The following ENPP3 variants were observed in gnomAD, a reference collection of about 807,000 sequenced individuals.
ENPP3 encodes the protein ectonucleotide pyrophosphatase/phosphodiesterase 3, also known as ectonucleotide pyrophosphatase/phosphodiesterase family member 3.
In ENPP3, 104 loss-of-function variants were observed where a neutral mutation model predicts 117.8. The observed-to-expected ratio is 0.88, with a 90% CI of 0.75 to 1.04. The LOEUF (loss-of-function observed/expected upper bound fraction) is 1.04, where lower values mean the gene tolerates loss of function less well. ENPP3 is among the 50% of genes least tolerant of loss of function. The pLI is 0.00. For synonymous variants in ENPP3, 380 were observed against 349.9 expected (o/e 1.09, Z -0.96); for missense variants, 1,026 against 1,051.9 (o/e 0.98, Z 0.34).
intron 20 of ENPP3, among the ~76,000 whole-genome samples, chr6:131,728,322 T>C (rs904578738): frequency 6.6e-6 from 1 of 152,320 alleles, no homozygotes; most frequent in African/African-American, 2.4e-5. Flanking sequence ...TTTTTAGTAC[T>C]TTTCCCCTGC....
chr6:131,685,389 G>A lies in ENPP3; in HGVS notation c.1146G>A (p.Lys382=). The A allele has an allele frequency of 6.2e-7, 1 of 1,612,076 alleles. No homozygotes were observed. Among genetic ancestry groups the A allele is most frequent in the South Asian group, 1.1e-5 (1 of 90,974 alleles). The change falls in exon 13 of 25, where the codon AAG becomes AAA. Residue 382 remains lysine, a synonymous_variant. Transcript: ENST00000357639. ...GAATGGACCAGACTTATTGTAACAAGATGGAATACATGACTGATTATTTTC... is the reference window on the plus strand; with the variant it reads ...GAATGGACCAGACTTATTGTAACAAAATGGAATACATGACTGATTATTTTC... ...DHGMDQTYCN[K]MEYMTDYFPR...
Position 131,667,354 on chromosome 6 carries a change from C to T in ENPP3, c.563-3894C>T, listed in dbSNP as rs116275971. ...TTGGGGCATTGGACACTTAGTGCAA[C>T]TCTTCCTCCCCTGGGAGAAGCTGGG... On this transcript the variant is annotated intron_variant, in intron 6 of 24. Coordinates refer to ENST00000357639, the MANE Select transcript of ENPP3 (RefSeq NM_005021.5). 9.8e-3 allele frequency among the ~76,000 whole-genome samples: 1,490 copies of T among 152,228 alleles called. 19 individuals are homozygous for T. The highest frequency in any genetic ancestry group is 0.034 in the African/African-American group (1,428 of 41,522).
At chr6:131,727,512 G>A (rs574172144) in intron 20 of ENPP3, among the ~76,000 whole-genome samples, 35 of 127,260 alleles carry the variant, frequency 2.8e-4, no homozygotes, top group African/African-American at 7.3e-4. Flanking sequence ...CCAAGATCGC[G>A]CCATTACACT....
rs766334919 is a variant in ENPP3 at position 131,675,124 on chromosome 6, C to A, written c.807C>A (p.Tyr269Ter). 5 of 1,613,912 alleles carry A rather than the reference C, an allele frequency of 3.1e-6. No homozygotes were observed. In the Admixed American group the frequency reaches 8.3e-5, roughly 27 times the overall value. The change falls in exon 9 of 25, where the codon TAC (tyrosine) becomes TAA (stop). Residue 269 changes from tyrosine to a stop codon, truncating the protein, a stop_gained. Coordinates refer to ENST00000357639, the MANE Select transcript of ENPP3 (RefSeq NM_005021.5). LOFTEE classifies it high-confidence loss of function. Reference sequence around the variant, plus strand: ...ATCAAGGTTTAAAAGCCGCTACCTACTTTTGGCCCGGATCAGAAGTGGCTA... The same window carrying A: ...ATCAAGGTTTAAAAGCCGCTACCTAATTTTGGCCCGGATCAGAAGTGGCTA... ...AMYQGLKAAT[Y>*]FWPGSEVAIN...
chr6:131,678,700 G>C (rs1778925262), intron 11 of ENPP3, among the ~76,000 whole-genome samples: 1 of 152,148 alleles, frequency 6.6e-6, no homozygotes, highest in Non-Finnish European at 1.5e-5. Context: ...TCTCAGAAAA[G>C]CTTTTTTTAA....
At chr6:131,678,738 C>T (rs956747408) in intron 11 of ENPP3, among the ~76,000 whole-genome samples, 1 of 152,160 alleles carries the variant, frequency 6.6e-6, no homozygotes, top group Admixed American at 6.5e-5. Context: ...CAAAATGATT[C>T]CTAGTATAGG....
At chr6:131,733,883 G>A (rs193027877) in intron 21 of ENPP3, among the ~76,000 whole-genome samples, 160 bp downstream of exon 21, 1 of 152,146 alleles carries the variant, frequency 6.6e-6, no homozygotes, top group Non-Finnish European at 1.5e-5. Context: ...GCAGCACAGC[G>A]GCTGTAATAA....
At chr6:131,685,824 A>G (rs1779141912) in intron 13 of ENPP3, 52 bp from the exon 14 acceptor site, 10 of 751,714 alleles carry the variant, frequency 1.3e-5, no homozygotes, top group South Asian at 6.0e-5. Flanking sequence ...CATTCTTTGC[A>G]TTTGTTCGTT....
intron 11 of ENPP3, among the ~76,000 whole-genome samples, chr6:131,679,028 T>TCCTC (rs1359674227): frequency 1.2e-5 from 1 of 84,684 alleles, no homozygotes; most frequent in Non-Finnish European, 2.3e-5. Flanking sequence ...CTTCCTTCCT[T>TCCTC]CTTTCTTTCT....
chr6:131,715,562 C>T (rs1183512266), intron 15 of ENPP3, among the ~76,000 whole-genome samples: 2 of 147,416 alleles, frequency 1.4e-5, no homozygotes, highest in African/African-American at 2.6e-5. Flanking sequence ...AGCATCTGCT[C>T]ACCTGGAGCA....
intron 12 of ENPP3, 118 bp from the exon 13 acceptor site, chr6:131,685,246 C>T (rs1416539111): frequency 3.3e-6 from 3 of 914,024 alleles, no homozygotes; most frequent in Non-Finnish European, 3.3e-6. Flanking sequence ...TGCGTAAATT[C>T]TCAGTGAAGC....
chr6:131,678,993 C>G lies in ENPP3; in HGVS notation c.1011+1053C>G, dbSNP rs866393505. Among the ~76,000 whole-genome samples the G allele has an allele frequency of 4.4e-3, 428 of 97,860 alleles. 16 individuals carry two copies. The highest frequency in any genetic ancestry group is 0.019 in the African/African-American group (328 of 17,510). 64.2% of individuals were successfully genotyped at this position (97,860 alleles called of 152,430 possible). A position where few individuals can be genotyped will look rare whatever the true frequency, so the allele number is the denominator to read the frequency against. On this transcript the variant is annotated intron_variant, in intron 11 of 24. Coordinates refer to ENST00000357639, the MANE Select transcript of ENPP3 (RefSeq NM_005021.5). ...TCCTTCCTTCCTTCCTTCCTTCCTT[C>G]CTTCCTTGCTTCCTTCCTTCCTTCC...
At position 131,685,298 on chromosome 6, in the gene ENPP3, A is replaced by G. The variant is rs1291570997; in HGVS notation, c.1121-66A>G. 3 of 1,351,438 alleles carry G rather than the reference A, an allele frequency of 2.2e-6. No homozygotes were observed. In the East Asian group the frequency reaches 6.9e-5, roughly 31 times the overall value. 83.7% of individuals were successfully genotyped at this position (1,351,438 alleles called of 1,614,324 possible). A position where few individuals can be genotyped will look rare whatever the true frequency, so the allele number is the denominator to read the frequency against. ...AACATAAAATGTCTTCTATTTGACAAGACAGAAATCAACCGTTGCCATTTA... is the reference window on the plus strand; with the variant it reads ...AACATAAAATGTCTTCTATTTGACAGGACAGAAATCAACCGTTGCCATTTA... On this transcript the variant is annotated intron_variant, in intron 12 of 24. Coordinates refer to ENST00000357639, the MANE Select transcript of ENPP3 (RefSeq NM_005021.5).
At chr6:131,656,257 T>C (rs973841808) in intron 5 of ENPP3, among the ~76,000 whole-genome samples, 1 of 152,120 alleles carries the variant, frequency 6.6e-6, no homozygotes, top group Non-Finnish European at 1.5e-5. Flanking sequence ...TCAAGCTTCA[T>C]CACAGGCAGT....
At position 131,637,850 on chromosome 6, in the gene ENPP3, C is replaced by A. The variant is rs201565844; in HGVS notation, c.78+388C>A. Among the ~76,000 whole-genome samples the A allele has an allele frequency of 3.2e-4, 49 of 152,198 alleles. No homozygotes were observed. In the East Asian group the frequency reaches 4.8e-3, roughly 15 times the overall value. The stretch of plus-strand genomic sequence containing the variant: ...GAACCAACAATTGTATCCTATTTTA[C>A]TTCACTCCTAGAGATAGTCTCTTTT... On this transcript the variant is annotated intron_variant, in intron 1 of 24. Transcript: ENST00000357639.
At chr6:131,677,034 C>G (rs922393071) in intron 10 of ENPP3, among the ~76,000 whole-genome samples, 1 of 151,658 alleles carries the variant, frequency 6.6e-6, no homozygotes, top group Non-Finnish European at 1.5e-5. Context: ...CCAGGAGTCC[C>G]GGACCAACCT....
intron 14 of ENPP3, among the ~76,000 whole-genome samples, chr6:131,690,036 G>C (rs530502250): frequency 2.6e-4 from 40 of 152,342 alleles, no homozygotes; most frequent in African/African-American, 8.4e-4. Flanking sequence ...ATGAAGAGCT[G>C]CTTCTTACGG....
intron 16 of ENPP3, among the ~76,000 whole-genome samples, chr6:131,720,065 G>A (rs534278570): frequency 6.6e-6 from 1 of 152,254 alleles, no homozygotes; most frequent in African/African-American, 2.4e-5. Flanking sequence ...TGCTATGGAG[G>A]TGGGTAGAGA....
chr6:131,683,054 G>A lies in ENPP3; in HGVS notation c.1012G>A (p.Val338Ile), dbSNP rs568742247. ...GHAGGPVSARVIKALQVVDHA... is the reference protein window; with the variant it reads ...GHAGGPVSARIIKALQVVDHA... ...ATCTTAACTCCAAATTATTTTTCAGGTAATTAAAGCCTTACAGGTAGTAGA... is the reference window on the plus strand; with the variant it reads ...ATCTTAACTCCAAATTATTTTTCAGATAATTAAAGCCTTACAGGTAGTAGA... The change falls in exon 12 of 25, where the codon GTA (valine) becomes ATA (isoleucine). Residue 338 changes from valine to isoleucine, a missense_variant and splice_region_variant. Transcript: ENST00000357639. 5.1e-6 allele frequency: 8 copies of A among 1,579,274 alleles called. No individual in the cohort carries two copies. The South Asian group carries it at 8.9e-5, about 18-fold the overall frequency.
Sources: allele counts gnomAD v4.1 joint callset (sites outside exome capture counted in the v4.1 genomes callset), GRCh38; gene constraint gnomAD v4.1.1; transcripts MANE v1.5; gene names NCBI Gene and HGNC (gene_info 2026-07-23, HGNC 2026-07-21).